Variants in DOCK4 observed in about 807,000 individuals in gnomAD.
The protein encoded by DOCK4 is dedicator of cytokinesis 4.
In DOCK4, 97 loss-of-function variants were observed where a neutral mutation model predicts 268.1. The ratio of observed to expected loss-of-function variants is 0.36; its 90% CI spans 0.31 to 0.43. DOCK4 has a LOEUF of 0.43. DOCK4 is among the 20% of genes least tolerant of loss of function. The pLI is 1.00. For synonymous variants in DOCK4, 954 were observed against 887.2 expected (o/e 1.08, Z -1.34); for missense variants, 2,145 against 2,455.7 (o/e 0.87, Z 2.67).
chr7:111,764,942 C>T (rs1374165616), intron 39 of DOCK4, among the ~76,000 whole-genome samples, 176 bp downstream of exon 39: 4 of 150,524 alleles, frequency 2.7e-5, no homozygotes, highest in African/African-American at 9.8e-5. Context: ...ATTGCTATCT[C>T]GGAAATTATT....
At chr7:112,151,832 C>CCAAAAAACAAAAAA (rs112562618) in intron 1 of DOCK4, among the ~76,000 whole-genome samples, 1 of 148,414 alleles carries the variant, frequency 6.7e-6, no homozygotes, top group Non-Finnish European at 1.5e-5. Context: ...AATCTGATGA[C>CCAAAAAACAAAAAA]CAAAAAACAA....
intron 2 of DOCK4, among the ~76,000 whole-genome samples, chr7:112,001,163 C>T (rs150478953): frequency 4.6e-5 from 7 of 152,138 alleles, no homozygotes; most frequent in South Asian, 2.1e-4. Context: ...AAGAGCTCAG[C>T]GTAATTTTTA....
In DOCK4 at chr7:111,734,954, A is replaced by C. The variant is rs555919209; in HGVS notation, c.5419+100T>G. The C allele has an allele frequency of 5.3e-6, 5 of 939,130 alleles. No individual in the cohort carries two copies. The East Asian group carries it at 1.0e-4, about 20-fold the overall frequency. The allele number at this position is 939,130 out of a possible 1,614,324, so 58.2% of individuals were successfully genotyped here. A position where few individuals can be genotyped will look rare whatever the true frequency, so the allele number is the denominator to read the frequency against. ...CAGCTACTAAGGTTTTTATCCCAGA[A>C]ATCAAACGCCTACCTTTCTCTCAGG... On this transcript the variant is annotated intron_variant, in intron 51 of 52. Coordinates refer to ENST00000428084, the MANE Select transcript of DOCK4 (RefSeq NM_001363540.2).
At chr7:112,167,857 A>C (rs1817736313) in intron 1 of DOCK4, among the ~76,000 whole-genome samples, 1 of 152,144 alleles carries the variant, frequency 6.6e-6, no homozygotes, top group Admixed American at 6.6e-5. Context: ...GCTTCTTTTT[A>C]CTTTCTCCTA....
chr7:111,737,351 C>A lies in DOCK4; in HGVS notation c.5233-362G>T, dbSNP rs76799541. Among the ~76,000 whole-genome samples the A allele has an allele frequency of 1.4e-4, 21 of 151,982 alleles. No individual in the cohort carries two copies. The East Asian group carries it at 4.1e-3, about 29-fold the overall frequency. The stretch of plus-strand genomic sequence containing the variant: ...ATATTGCCCAGGCTGGTCTTGAATG[C>A]CTGGGCTCAAGCAGTCCTTCCAACC... On this transcript the variant is annotated intron_variant, in intron 49 of 52. Transcript: ENST00000428084.
chr7:112,028,140 C>T (rs75727673), intron 1 of DOCK4, among the ~76,000 whole-genome samples: 2,143 of 152,250 alleles, frequency 0.014, 50 homozygotes, highest in African/African-American at 0.048. Context: ...AGCTAAGTAT[C>T]ACTAGAGCAT....
chr7:112,123,319 C>G (rs1812912134), intron 1 of DOCK4, among the ~76,000 whole-genome samples: 1 of 152,132 alleles, frequency 6.6e-6, no homozygotes, highest in Admixed American at 6.6e-5. Flanking sequence ...GGGAAGGTCA[C>G]ATAGACCTTG....
intron 1 of DOCK4, among the ~76,000 whole-genome samples, chr7:112,031,936 AC>A (rs1803312885): frequency 6.6e-6 from 1 of 152,220 alleles, no homozygotes; most frequent in Non-Finnish European, 1.5e-5. Context: ...GGAAATCAAA[AC>A]AAAAAGCATG....
chr7:112,045,885 C>G (rs535612495), intron 1 of DOCK4, among the ~76,000 whole-genome samples: 1 of 152,214 alleles, frequency 6.6e-6, no homozygotes, highest in South Asian at 2.1e-4. Context: ...TTTGCCAAAC[C>G]CTCCAAAAAA....
intron 1 of DOCK4, among the ~76,000 whole-genome samples, chr7:112,189,279 T>C (rs1000570644): frequency 2.0e-5 from 1 of 49,472 alleles, no homozygotes; most frequent in African/African-American, 4.9e-5. Context: ...AAGATACTCT[T>C]ATTCTGGAAA....
intron 23 of DOCK4, among the ~76,000 whole-genome samples, chr7:111,859,607 G>A (rs1050666783): frequency 5.6e-5 from 7 of 125,512 alleles, no homozygotes; most frequent in African/African-American, 9.4e-5. Flanking sequence ...TCGCTCTGTC[G>A]CCCAGGCTGG....
intron 42 of DOCK4, among the ~76,000 whole-genome samples, 199 bp downstream of exon 42, chr7:111,755,316 C>T (rs1309338304): frequency 6.6e-6 from 1 of 152,094 alleles, no homozygotes; most frequent in Non-Finnish European, 1.5e-5. Flanking sequence ...CAAGGAATCC[C>T]TCCATCTGGA....
At chr7:112,174,819 T>C (rs1173712833) in intron 1 of DOCK4, among the ~76,000 whole-genome samples, 1 of 152,142 alleles carries the variant, frequency 6.6e-6, no homozygotes, top group Admixed American at 6.6e-5. Flanking sequence ...TCATTTTCAC[T>C]AGATGATGTT....
At chr7:112,003,758 G>A (rs1318650985) in intron 2 of DOCK4, among the ~76,000 whole-genome samples, 1 of 152,106 alleles carries the variant, frequency 6.6e-6, no homozygotes, top group Admixed American at 6.5e-5. Flanking sequence ...AGGATTCTGA[G>A]AAAAACCTTC....
chr7:111,897,631 C>G (rs1322429413), intron 15 of DOCK4, among the ~76,000 whole-genome samples: 1 of 152,144 alleles, frequency 6.6e-6, no homozygotes, highest in African/African-American at 2.4e-5. Context: ...GTGGGAGTAT[C>G]TACACCATGG....
At chr7:111,752,169 C>G (rs1329368889) in intron 42 of DOCK4, among the ~76,000 whole-genome samples, 3 of 152,114 alleles carry the variant, frequency 2.0e-5, no homozygotes, top group Non-Finnish European at 4.4e-5. Flanking sequence ...TGAGAGGGAG[C>G]AGGTAGACAT....
intron 25 of DOCK4, among the ~76,000 whole-genome samples, chr7:111,843,067 T>G (rs374287004): frequency 3.3e-5 from 5 of 152,242 alleles, no homozygotes; most frequent in South Asian, 4.1e-4. Flanking sequence ...AGACAATCAA[T>G]AGATGTCCAC....
intron 1 of DOCK4, among the ~76,000 whole-genome samples, chr7:112,192,180 T>C (rs1365354763): frequency 1.3e-5 from 2 of 151,572 alleles, no homozygotes; most frequent in Non-Finnish European, 2.9e-5. Context: ...TCTTTCTTCC[T>C]CTGCCCAGTC....
intron 42 of DOCK4, among the ~76,000 whole-genome samples, chr7:111,751,318 T>TA (rs942288255): frequency 3.3e-5 from 5 of 151,906 alleles, no homozygotes; most frequent in African/African-American, 4.8e-5. Flanking sequence ...GTTTCTTCAA[T>TA]AAAAAAATAA....
Sources: allele counts gnomAD v4.1 joint callset (sites outside exome capture counted in the v4.1 genomes callset), GRCh38; gene constraint gnomAD v4.1.1; transcripts MANE v1.5; gene names NCBI Gene and HGNC (gene_info 2026-07-23, HGNC 2026-07-21).